EPN2: variants seen among roughly 807,000 people sequenced by gnomAD.
EPN2 encodes epsin 2, also known as epsin-2.
In EPN2, 34 loss-of-function variants were observed where a neutral mutation model predicts 61.7. The ratio of observed to expected loss-of-function variants is 0.55; its 90% CI spans 0.42 to 0.73. EPN2 has a LOEUF of 0.73. EPN2 is among the 30% of genes least tolerant of loss of function. EPN2 has a pLI of 0.00. For missense variants in EPN2, 714 were observed against 839.2 expected, an observed-to-expected ratio of 0.85 and a Z score of 1.84; for synonymous variants, 349 against 353.6, an observed-to-expected ratio of 0.99 and a Z score of 0.15.
chr17:19,283,501 A>G lies in EPN2; in HGVS notation c.382A>G (p.Lys128Glu). 1.9e-6 allele frequency: 3 copies of G among 1,614,246 alleles called. No individual in the cohort carries two copies. Among genetic ancestry groups the G allele is most frequent in the Non-Finnish European group, 2.5e-6 (3 of 1,180,040 alleles). ...DQGINVREKS[K>E]QLVALLKDEE... Reference sequence around the variant, plus strand: ...GGGCATCAATGTGCGTGAGAAGTCAAAGCAACTGGTGGCTCTCCTCAAGGA... The same window carrying G: ...GGGCATCAATGTGCGTGAGAAGTCAGAGCAACTGGTGGCTCTCCTCAAGGA... The change falls in exon 3 of 11, where the codon AAG (lysine) becomes GAG (glutamate). Residue 128 changes from lysine to glutamate, a missense_variant. Around this residue, in one of 2 missense-constraint regions of EPN2, gnomAD observed 304 missense variants for 417.4 expected, o/e 0.73. Coordinates refer to ENST00000314728, the MANE Select transcript of EPN2 (RefSeq NM_014964.5). The surrounding 1 kb of genome is among the most constrained non-coding windows in gnomAD (Gnocchi z 7.0).
intron 1 of EPN2, among the ~76,000 whole-genome samples, chr17:19,246,244 G>C (rs1347275773): frequency 2.0e-5 from 3 of 152,168 alleles, no homozygotes; most frequent in Non-Finnish European, 4.4e-5. Flanking sequence ...TGTAGTCCCA[G>C]CTACTTGGAA....
chr17:19,246,545 G>A (rs546564184), intron 1 of EPN2, among the ~76,000 whole-genome samples: 1 of 152,190 alleles, frequency 6.6e-6, no homozygotes, highest in South Asian at 2.1e-4. Flanking sequence ...AAACAGCTAT[G>A]TGTTGGTGCT....
At chr17:19,330,061 G>C (rs910939771) in intron 9 of EPN2, among the ~76,000 whole-genome samples, 1 of 152,204 alleles carries the variant, frequency 6.6e-6, no homozygotes, top group African/African-American at 2.4e-5. Context: ...CCAGGTGACC[G>C]CTCCAGCCCA....
chr17:19,333,766 C>T (rs1010423930), intron 10 of EPN2, among the ~76,000 whole-genome samples, 190 bp from the exon 11 acceptor site: 1 of 152,162 alleles, frequency 6.6e-6, no homozygotes, highest in East Asian at 1.9e-4. Context: ...GCCTCAATCT[C>T]CTCATCCTTA....
intron 4 of EPN2, among the ~76,000 whole-genome samples, chr17:19,286,190 CCAGA>C (rs1368408156): frequency 6.6e-6 from 1 of 152,184 alleles, no homozygotes; most frequent in Non-Finnish European, 1.5e-5. Context: ...CCTCACAACA[CCAGA>C]CAAATATAAG....
Position 19,336,330 on chromosome 17 carries a change from C to T in EPN2, c.*2076C>T, listed in dbSNP as rs900725491. The T allele has an allele frequency of 6.6e-6, 1 of 152,308 alleles. No homozygotes were observed. The highest frequency in any genetic ancestry group is 1.5e-5 in the Non-Finnish European group (1 of 68,084). The allele number at this position is 152,308 out of a possible 1,614,324, so 9.4% of individuals were successfully genotyped here. ...TGCTTTCCTTCAGACGGTGCAGGGC[C>T]TGGGCCAGCCTTACAGGTCAGTAGA... is the stretch of plus-strand genomic sequence containing the variant. On this transcript the variant is annotated 3_prime_UTR_variant, in exon 11 of 11. Coordinates refer to ENST00000314728, the MANE Select transcript of EPN2 (RefSeq NM_014964.5).
At chr17:19,301,435 A>G (rs911070119) in intron 4 of EPN2, among the ~76,000 whole-genome samples, 4 of 152,204 alleles carry the variant, frequency 2.6e-5, no homozygotes, top group African/African-American at 9.7e-5. Context: ...ATGTGGCAGC[A>G]TGACACACTA....
At position 19,278,071 on chromosome 17, in the gene EPN2, C is replaced by CAAA. The variant is rs141413016; in HGVS notation, c.-293-3871_-293-3869dup. Among the ~76,000 whole-genome samples the CAAA allele has an allele frequency of 4.2e-4, 56 of 134,564 alleles. 1 individual carries two copies. The South Asian group carries it at 7.0e-3, about 17-fold the overall frequency. The allele number at this position is 134,564 out of a possible 152,430, so 88.3% of individuals were successfully genotyped here. A position where few individuals can be genotyped will look rare whatever the true frequency, so the allele number is the denominator to read the frequency against. On this transcript the variant is annotated intron_variant, in intron 1 of 10. Coordinates refer to ENST00000314728, the MANE Select transcript of EPN2 (RefSeq NM_014964.5). Reference sequence around the variant, plus strand: ...TGGGCGACAGAGCGAGACTATGTCTCAAAAAAAAAAAAAAAGAAAATGAAA... The same window carrying CAAA: ...TGGGCGACAGAGCGAGACTATGTCTCAAAAAAAAAAAAAAAAAAGAAAATGAAA...
At chr17:19,332,573 T>C (rs555432161) in intron 10 of EPN2, among the ~76,000 whole-genome samples, 29 of 152,306 alleles carry the variant, frequency 1.9e-4, no homozygotes, top group African/African-American at 6.5e-4. Context: ...AGCTGTTCAA[T>C]TGGGTATCCA....
chr17:19,336,085 T>TG lies in EPN2; in HGVS notation c.*1835dup, dbSNP rs1907420482. ...GCTGCTGGGACATGCAGGCTCTGAG[T>TG]GGGGACTGCACCCACTCATGCTGTT... On this transcript the variant is annotated 3_prime_UTR_variant, in exon 11 of 11. Coordinates refer to ENST00000314728, the MANE Select transcript of EPN2 (RefSeq NM_014964.5). The TG allele has an allele frequency of 6.6e-6, 1 of 152,074 alleles. No individual in the cohort carries two copies. Among genetic ancestry groups the TG allele is most frequent in the Non-Finnish European group, 1.5e-5 (1 of 68,056 alleles). 9.4% of individuals were successfully genotyped at this position (152,074 alleles called of 1,614,324 possible).
intron 1 of EPN2, among the ~76,000 whole-genome samples, chr17:19,250,514 T>A (rs2045003579): frequency 6.6e-6 from 1 of 152,212 alleles, no homozygotes; most frequent in South Asian, 2.1e-4. Context: ...TTGGTCATAG[T>A]TGCCAATATT....
chr17:19,284,548 G>A (rs2045386815), intron 3 of EPN2, among the ~76,000 whole-genome samples: 1 of 152,202 alleles, frequency 6.6e-6, no homozygotes, highest in Non-Finnish European at 1.5e-5. Flanking sequence ...GGGTGAGGAT[G>A]GAGGTGGGGA....
At chr17:19,284,864 G>T (rs1051110779) in intron 3 of EPN2, among the ~76,000 whole-genome samples, 8 of 152,194 alleles carry the variant, frequency 5.3e-5, no homozygotes, top group South Asian at 2.1e-4. Context: ...CTTGGAGCAG[G>T]TTAACATATT....
chr17:19,327,529 G>A (rs933206968), intron 7 of EPN2, among the ~76,000 whole-genome samples: 5 of 152,074 alleles, frequency 3.3e-5, no homozygotes, highest in Admixed American at 6.6e-5. Context: ...AAAAAAATTA[G>A]CCGGGCGTGG....
At chr17:19,332,243 T>G (rs868489050) in intron 10 of EPN2, among the ~76,000 whole-genome samples, 175 bp downstream of exon 10, 1 of 151,918 alleles carries the variant, frequency 6.6e-6, no homozygotes, top group South Asian at 2.1e-4. Flanking sequence ...GTGGAAGCCG[T>G]TGTCAGTTAT....
chr17:19,256,734 G>C (rs1168696648), intron 1 of EPN2, among the ~76,000 whole-genome samples: 1 of 152,150 alleles, frequency 6.6e-6, no homozygotes, highest in Non-Finnish European at 1.5e-5. Flanking sequence ...TTAAAATTTA[G>C]CTGTGAAGTC....
chr17:19,303,535 G>A (rs1189343184), intron 4 of EPN2, among the ~76,000 whole-genome samples: 2 of 152,278 alleles, frequency 1.3e-5, no homozygotes, highest in Admixed American at 6.5e-5. Flanking sequence ...CTGAGAACCG[G>A]AATCACGGCT....
intron 1 of EPN2, among the ~76,000 whole-genome samples, chr17:19,268,697 A>G (rs1014439394): frequency 3.9e-5 from 6 of 152,240 alleles, no homozygotes; most frequent in Admixed American, 3.9e-4. Flanking sequence ...AGCACTTTTC[A>G]CAGTAGCAAA....
intron 1 of EPN2, among the ~76,000 whole-genome samples, chr17:19,269,989 C>G (rs2045237840): frequency 6.6e-6 from 1 of 152,144 alleles, no homozygotes; most frequent in South Asian, 2.1e-4. Context: ...TTGTCTAAAG[C>G]TACAAAGAAT....
Sources: allele counts gnomAD v4.1 joint callset (sites outside exome capture counted in the v4.1 genomes callset), GRCh38; gene constraint gnomAD v4.1.1; regional missense constraint gnomAD v4.1.1; non-coding constraint Gnocchi (gnomAD v3.1); transcripts MANE v1.5; gene names NCBI Gene and HGNC (gene_info 2026-07-23, HGNC 2026-07-21).